COL22A1: variants seen among roughly 807,000 people sequenced by gnomAD.
The protein encoded by COL22A1 is collagen type XXII alpha 1 chain.
Under a neutral mutation model 248.9 loss-of-function variants are expected in COL22A1, and 221 were observed. The ratio of observed to expected loss-of-function variants is 0.89; its 90% CI spans 0.80 to 0.99. The LOEUF (loss-of-function observed/expected upper bound fraction) is 0.99, where lower values mean the gene tolerates loss of function less well. COL22A1 is among the 50% of genes least tolerant of loss of function. COL22A1 has a pLI of 0.00. For missense variants in COL22A1, 2,240 were observed against 2,179.0 expected, an observed-to-expected ratio of 1.03 and a Z score of -0.56; for synonymous variants, 891 against 793.4, an observed-to-expected ratio of 1.12 and a Z score of -2.07.
At chr8:138,830,816 G>A (rs1468155680) in intron 5 of COL22A1, among the ~76,000 whole-genome samples, 1 of 152,136 alleles carries the variant, frequency 6.6e-6, no homozygotes, top group African/African-American at 2.4e-5. Flanking sequence ...TGGAATAGGT[G>A]GTGAATTGGA....
In COL22A1 at chr8:138,804,705, TGA is replaced by T. The variant is rs1282021576; in HGVS notation, c.1495-1773_1495-1772del. ...GAGCTGAGGGGGCAGCGGGTGTGTG[TGA>T]GAGTGTGATGGTGTGTGTGATGAGG... On this transcript the variant is annotated intron_variant, in intron 10 of 64. Transcript: ENST00000303045. 1.2e-4 allele frequency among the ~76,000 whole-genome samples: 18 copies of T among 151,716 alleles called. No individual in the cohort carries two copies. The East Asian group carries it at 2.9e-3, about 25-fold the overall frequency.
At chr8:138,674,319 A>G (rs1381264760) in intron 41 of COL22A1, among the ~76,000 whole-genome samples, 2 of 152,130 alleles carry the variant, frequency 1.3e-5, no homozygotes, top group African/African-American at 4.8e-5. Context: ...AGTGAACTTG[A>G]CATGTACCCA....
intron 16 of COL22A1, among the ~76,000 whole-genome samples, chr8:138,762,847 T>G (rs996872780): frequency 1.3e-5 from 2 of 152,196 alleles, no homozygotes; most frequent in Non-Finnish European, 1.5e-5. Flanking sequence ...GCATCATTCA[T>G]TTGTCCCGTA....
At chr8:138,692,088 G>A (rs1327921860) in intron 35 of COL22A1, among the ~76,000 whole-genome samples, 63 of 67,584 alleles carry the variant, frequency 9.3e-4, no homozygotes, top group Admixed American at 3.6e-3. Context: ...ATGTGTATAC[G>A]TGCATGTGTA....
chr8:138,881,061 GGCTATGC>G (rs2132059206), intron 2 of COL22A1, among the ~76,000 whole-genome samples: 1 of 152,304 alleles, frequency 6.6e-6, no homozygotes, highest in African/African-American at 2.4e-5. Context: ...CCAAGGCAGG[GGCTATGC>G]CACTCCTGGC....
chr8:138,797,098 T>C (rs2131606567), intron 11 of COL22A1, among the ~76,000 whole-genome samples: 1 of 152,338 alleles, frequency 6.6e-6, no homozygotes, highest in East Asian at 1.9e-4. Flanking sequence ...CATAACAGTT[T>C]CATTGAAATA....
intron 22 of COL22A1, among the ~76,000 whole-genome samples, chr8:138,738,520 G>A (rs561531414): frequency 6.6e-6 from 1 of 151,882 alleles, no homozygotes; most frequent in Non-Finnish European, 1.5e-5. Flanking sequence ...TCTATTTCAC[G>A]GCAAACTCTC....
chr8:138,663,844 G>A, intron 41 of COL22A1, 104 bp from the exon 42 acceptor site: 2 of 852,730 alleles, frequency 2.3e-6, no homozygotes, highest in East Asian at 4.9e-5. Context: ...GTCCTAGGAG[G>A]AGTCACTAAC....
chr8:138,864,421 C>T (rs765953338), intron 3 of COL22A1, among the ~76,000 whole-genome samples: 3 of 151,694 alleles, frequency 2.0e-5, no homozygotes, highest in Non-Finnish European at 4.4e-5. Flanking sequence ...GAGGCCAGGC[C>T]GCGGACTGGG....
At chr8:138,840,558 C>CACGT (rs397723590) in intron 4 of COL22A1, among the ~76,000 whole-genome samples, 1 of 145,214 alleles carries the variant, frequency 6.9e-6, no homozygotes, top group African/African-American at 2.7e-5. Flanking sequence ...CACACACACA[C>CACGT]GCGCTCCTGA....
chr8:138,754,398 G>A (rs561116753), intron 21 of COL22A1, among the ~76,000 whole-genome samples: 2 of 152,274 alleles, frequency 1.3e-5, no homozygotes, highest in Admixed American at 1.3e-4. Flanking sequence ...GTTTCTTCTA[G>A]TTTTACCCCA....
intron 16 of COL22A1, among the ~76,000 whole-genome samples, chr8:138,764,478 A>G (rs2131411554): frequency 6.6e-6 from 1 of 152,172 alleles, no homozygotes; most frequent in East Asian, 1.9e-4. Flanking sequence ...GGGTCCCCCC[A>G]TTCCCCATAC....
chr8:138,812,978 GTGTC>G lies in COL22A1; in HGVS notation c.1283_1286del (p.Arg428ThrfsTer17). 1 of 1,613,888 alleles carries G rather than the reference GTGTC, an allele frequency of 6.2e-7. No individual in the cohort carries two copies. On this transcript the variant is annotated frameshift_variant, in exon 8 of 65. Coordinates refer to ENST00000303045, the MANE Select transcript of COL22A1 (RefSeq NM_152888.3). LOFTEE classifies it high-confidence loss of function. ...TATCACAACAAGTCTCCAATTCTGC[GTGTC>G]TCGAGTCACAATAGATCACAATCCG...
rs1291055797 is a variant in COL22A1, at chr8:138,625,875, GT to G, written c.3717+314del. 2.6e-5 allele frequency among the ~76,000 whole-genome samples: 4 copies of G among 152,116 alleles called. No individual in the cohort carries two copies. The East Asian group carries it at 7.7e-4, about 29-fold the overall frequency. ...TTATATATATATGTGTGTGTGTTTTGTTTTAACAATATAAACATATATATAC... is the reference window on the plus strand; with the variant it reads ...TTATATATATATGTGTGTGTGTTTTGTTTAACAATATAAACATATATATAC... On this transcript the variant is annotated intron_variant, in intron 51 of 64. Transcript: ENST00000303045.
intron 3 of COL22A1, among the ~76,000 whole-genome samples, chr8:138,860,505 A>G (rs770211125): frequency 4.6e-4 from 70 of 152,338 alleles, no homozygotes; most frequent in Non-Finnish European, 8.5e-4. Context: ...GCCACCAACA[A>G]TACAATGAGT....
intron 30 of COL22A1, among the ~76,000 whole-genome samples, chr8:138,711,499 C>T (rs187971478): frequency 7.9e-5 from 12 of 152,322 alleles, no homozygotes; most frequent in Admixed American, 2.6e-4. Flanking sequence ...TTTATGGTCT[C>T]GCTAAGCCTT....
At chr8:138,609,350 G>A (rs56294653) in intron 56 of COL22A1, among the ~76,000 whole-genome samples, 57 of 152,284 alleles carry the variant, frequency 3.7e-4, no homozygotes, top group Non-Finnish European at 5.7e-4. Context: ...TGCCTTATGG[G>A]TCAGCGATCA....
In COL22A1 at chr8:138,722,091, T is replaced by C; in HGVS notation, c.2248-2A>G. ...TGGCCCGTCCTTTCCAGGGGGTCCC[T>C]GGGCCAAGAGGGGAAAACATAAATA... On this transcript the variant is annotated splice_acceptor_variant, in intron 25 of 64. Transcript: ENST00000303045. LOFTEE classifies it high-confidence loss of function. The C allele has an allele frequency of 6.3e-7, 1 of 1,580,582 alleles. No homozygotes were observed. The highest frequency in any genetic ancestry group is 2.3e-5 in the East Asian group (1 of 44,008).
intron 23 of COL22A1, among the ~76,000 whole-genome samples, chr8:138,732,581 T>A (rs1287515309): frequency 6.6e-6 from 1 of 152,250 alleles, no homozygotes; most frequent in Non-Finnish European, 1.5e-5. Context: ...TACTTTTCTT[T>A]CTTCTCATTT....
Sources: gnomAD v4.1 joint callset for allele counts (sites outside exome capture counted in the v4.1 genomes callset) on GRCh38, gnomAD v4.1.1 for gene constraint, MANE v1.5 for transcripts, NCBI Gene and HGNC (gene_info 2026-07-23, HGNC 2026-07-21) for gene names.